The following DPP10 variants were observed in gnomAD, a reference collection of about 807,000 sequenced individuals.
DPP10 encodes the protein inactive dipeptidyl peptidase 10.
DPP10 carries 33 observed loss-of-function variants against 120.9 expected under a neutral mutation model. That is an observed-to-expected ratio of 0.27 (90% CI 0.21 to 0.37). DPP10 has a LOEUF of 0.37. Ranked by LOEUF, DPP10 falls within the 10% of genes least tolerant of loss-of-function variation. The pLI, the probability that DPP10 is intolerant of heterozygous loss-of-function variation, is 1.00. For synonymous variants in DPP10, 337 were observed against 326.1 expected, an observed-to-expected ratio of 1.03 and a Z score of -0.36; for missense variants, 816 against 942.8, an observed-to-expected ratio of 0.87 and a Z score of 1.76.
intron 5 of DPP10, among the ~76,000 whole-genome samples, chr2:115,647,476 C>T (rs777063493): frequency 5.3e-5 from 8 of 151,940 alleles, no homozygotes; most frequent in Non-Finnish European, 8.8e-5. Flanking sequence ...AAGATCTTTG[C>T]TATGAAAAGT....
intron 3 of DPP10, among the ~76,000 whole-genome samples, chr2:115,410,486 A>T (rs934760497): frequency 4.6e-5 from 7 of 152,126 alleles, no homozygotes; most frequent in Admixed American, 4.6e-4. Flanking sequence ...TTAGGTGTGA[A>T]GGGGAGAGCA....
chr2:114,809,057 C>G (rs1684973826), intron 1 of DPP10, among the ~76,000 whole-genome samples: 1 of 151,896 alleles, frequency 6.6e-6, no homozygotes, highest in African/African-American at 2.4e-5. Context: ...GTAAACTTAC[C>G]TAGCTGTGTG....
intron 1 of DPP10, among the ~76,000 whole-genome samples, chr2:114,943,791 A>T (rs1421828644): frequency 6.6e-6 from 1 of 152,240 alleles, no homozygotes; most frequent in African/African-American, 2.4e-5. Context: ...AAAATCAGCC[A>T]TCACTCTAAA....
chr2:115,661,070 C>T (rs534092958), intron 5 of DPP10, among the ~76,000 whole-genome samples: 2 of 152,112 alleles, frequency 1.3e-5, no homozygotes, highest in Non-Finnish European at 2.9e-5. Context: ...CTGCCTCAGC[C>T]TCCCGAGTAG....
intron 2 of DPP10, among the ~76,000 whole-genome samples, chr2:115,337,213 T>C (rs1417932675): frequency 6.6e-6 from 1 of 151,882 alleles, no homozygotes; most frequent in Non-Finnish European, 1.5e-5. Flanking sequence ...AAAGAGGATA[T>C]GCTATTATCT....
intron 5 of DPP10, among the ~76,000 whole-genome samples, chr2:115,684,919 G>A (rs1325459150): frequency 6.6e-6 from 1 of 151,890 alleles, no homozygotes; most frequent in Non-Finnish European, 1.5e-5. Flanking sequence ...TTTGAATAGT[G>A]GCTTAATTGG....
chr2:114,623,139 G>C (rs896423749), intron 1 of DPP10, among the ~76,000 whole-genome samples: 1 of 152,106 alleles, frequency 6.6e-6, no homozygotes, highest in Non-Finnish European at 1.5e-5. Flanking sequence ...CAATAAAGGA[G>C]AATTCGGTTG....
intron 1 of DPP10, among the ~76,000 whole-genome samples, chr2:114,957,817 C>T (rs1053030622): frequency 6.6e-6 from 1 of 152,068 alleles, no homozygotes; most frequent in African/African-American, 2.4e-5. Flanking sequence ...GCAGATGAAC[C>T]TGGAGAAGAT....
chr2:115,233,474 GAA>G (rs2057842023), intron 1 of DPP10, among the ~76,000 whole-genome samples: 4 of 152,098 alleles, frequency 2.6e-5, no homozygotes, highest in South Asian at 4.1e-4. Context: ...CCCTGGTTCA[GAA>G]AAGACTTGAC....
At chr2:115,576,855 G>T (rs1458895970) in intron 5 of DPP10, among the ~76,000 whole-genome samples, 1 of 152,166 alleles carries the variant, frequency 6.6e-6, no homozygotes, top group Non-Finnish European at 1.5e-5. Flanking sequence ...AGACAATACA[G>T]AGTAATCTCT....
intron 1 of DPP10, among the ~76,000 whole-genome samples, chr2:114,530,690 A>T (rs868010145): frequency 1.7e-4 from 26 of 152,156 alleles, no homozygotes; most frequent in Non-Finnish European, 2.8e-4. Context: ...ACTTTTATAT[A>T]ATGATTGCAG....
intron 8 of DPP10, among the ~76,000 whole-genome samples, chr2:115,736,691 G>A (rs1676552468): frequency 6.6e-6 from 1 of 151,982 alleles, no homozygotes; most frequent in Non-Finnish European, 1.5e-5. Flanking sequence ...ATATTTTGTG[G>A]CAAAAAATTC....
intron 1 of DPP10, among the ~76,000 whole-genome samples, chr2:114,942,974 T>A (rs1216560990): frequency 6.6e-6 from 1 of 152,146 alleles, no homozygotes; most frequent in African/African-American, 2.4e-5. Flanking sequence ...TAGGTATACG[T>A]GTGCCATGGT....
At chr2:115,200,251 T>C (rs981217762) in intron 1 of DPP10, among the ~76,000 whole-genome samples, 2 of 152,182 alleles carry the variant, frequency 1.3e-5, no homozygotes, top group African/African-American at 4.8e-5. Context: ...GTTTGAAGAA[T>C]GAAAGCATTG....
intron 1 of DPP10, among the ~76,000 whole-genome samples, chr2:114,550,616 C>T (rs918300334): frequency 6.6e-6 from 1 of 152,230 alleles, no homozygotes. Flanking sequence ...TTGAAGCAAC[C>T]TTTGCTCCTT....
At chr2:115,315,686 C>A (rs2061760831) in intron 2 of DPP10, among the ~76,000 whole-genome samples, 2 of 152,040 alleles carry the variant, frequency 1.3e-5, no homozygotes, top group African/African-American at 4.8e-5. Flanking sequence ...TGAATTAAAG[C>A]AGGAGATGTG....
chr2:114,878,083 A>C (rs1294200968), intron 1 of DPP10, among the ~76,000 whole-genome samples: 1 of 152,112 alleles, frequency 6.6e-6, no homozygotes, highest in Non-Finnish European at 1.5e-5. Flanking sequence ...GAAAAGAAGA[A>C]ATAAAAGCCC....
intron 1 of DPP10, among the ~76,000 whole-genome samples, chr2:115,277,447 C>CT (rs70941038): frequency 0.011 from 531 of 49,782 alleles, 26 homozygotes; most frequent in African/African-American, 0.014. Context: ...CTGCCAGGGC[C>CT]TTTTTTTTTT....
chr2:114,627,798 T>G (rs1694627740), intron 1 of DPP10, among the ~76,000 whole-genome samples: 1 of 152,120 alleles, frequency 6.6e-6, no homozygotes, highest in Non-Finnish European at 1.5e-5. Context: ...GAATCCAGTA[T>G]TTGTGCAAAC....
Sources: gnomAD v4.1 joint callset for allele counts (sites outside exome capture counted in the v4.1 genomes callset) on GRCh38, gnomAD v4.1.1 for gene constraint, MANE v1.5 for transcripts, NCBI Gene and HGNC (gene_info 2026-07-23, HGNC 2026-07-21) for gene names.